Variants in RBMS1 observed in about 807,000 individuals in gnomAD.
The protein encoded by RBMS1 is RNA-binding motif, single-stranded-interacting protein 1.
Under a neutral mutation model 62.3 loss-of-function variants are expected in RBMS1, and 17 were observed. The ratio of observed to expected loss-of-function variants is 0.27; its 90% confidence interval spans 0.19 to 0.41. RBMS1 has a LOEUF of 0.41. Ranked by LOEUF, RBMS1 falls within the 10% of genes least tolerant of loss-of-function variation. The pLI is 1.00. For synonymous variants in RBMS1, 172 were observed against 170.0 expected, an observed-to-expected ratio of 1.01 and a Z score of -0.09; for missense variants, 334 against 504.5, an observed-to-expected ratio of 0.66 and a Z score of 3.24.
chr2:160,388,422 G>C (rs542704987), intron 1 of RBMS1, among the ~76,000 whole-genome samples: 1 of 152,214 alleles, frequency 6.6e-6, no homozygotes, highest in South Asian at 2.1e-4. Flanking sequence ...CAGGTGGTAC[G>C]GTGAGGGGTA....
chr2:160,375,520 T>C (rs1573957160), intron 1 of RBMS1, among the ~76,000 whole-genome samples: 2 of 152,198 alleles, frequency 1.3e-5, no homozygotes, highest in South Asian at 2.1e-4. Flanking sequence ...TTAAGATCTA[T>C]AGAGACTGTA....
intron 1 of RBMS1, among the ~76,000 whole-genome samples, chr2:160,373,022 T>G (rs925136292): frequency 6.6e-6 from 1 of 152,136 alleles, no homozygotes; most frequent in Non-Finnish European, 1.5e-5. Context: ...TAAAATCACA[T>G]AGCTAATTAG....
At chr2:160,430,655 C>T (rs1480955555) in intron 1 of RBMS1, among the ~76,000 whole-genome samples, 2 of 152,128 alleles carry the variant, frequency 1.3e-5, no homozygotes, top group East Asian at 1.9e-4. Flanking sequence ...TTCTATTAGT[C>T]CTACCAGTTC....
intron 2 of RBMS1, among the ~76,000 whole-genome samples, chr2:160,362,830 AC>A (rs1573934277): frequency 6.6e-6 from 1 of 151,910 alleles, no homozygotes; most frequent in Admixed American, 6.6e-5. Flanking sequence ...GTATGCCTGT[AC>A]CCCTTCCTCC....
intron 2 of RBMS1, among the ~76,000 whole-genome samples, chr2:160,336,024 C>A (rs1191077012): frequency 6.6e-6 from 1 of 152,128 alleles, no homozygotes; most frequent in Non-Finnish European, 1.5e-5. Context: ...TTACACTGAG[C>A]AGCTCATGTT....
chr2:160,493,071 G>T (rs1351752531), intron 1 of RBMS1: 4 of 517,422 alleles, frequency 7.7e-6, no homozygotes, highest in African/African-American at 4.1e-5. Flanking sequence ...CTCCCCCCGC[G>T]GCTTTCTGTA....
Position 160,286,948 on chromosome 2 carries a change from A to G in RBMS1, c.756+21T>C, listed in dbSNP as rs1389602999. ...ATCACACCCCCTCCCCCACCCCGCAAAGTTTCAAGAAAGGACTTACAAGTC... is the reference window on the plus strand; with the variant it reads ...ATCACACCCCCTCCCCCACCCCGCAGAGTTTCAAGAAAGGACTTACAAGTC... On this transcript the variant is annotated intron_variant, in intron 7 of 13. Transcript: ENST00000348849. 3.1e-6 allele frequency: 5 copies of G among 1,608,526 alleles called. No individual in the cohort carries two copies. In the South Asian group the frequency reaches 5.5e-5, roughly 18 times the overall value.
At chr2:160,279,749 A>G (rs951150793) in intron 10 of RBMS1, 2 of 152,156 alleles carry the variant, frequency 1.3e-5, no homozygotes, top group African/African-American at 4.8e-5. Flanking sequence ...TTATTTATTG[A>G]TAATTAGATA....
At chr2:160,373,500 T>A (rs1264922628) in intron 1 of RBMS1, among the ~76,000 whole-genome samples, 1 of 152,166 alleles carries the variant, frequency 6.6e-6, no homozygotes, top group African/African-American at 2.4e-5. Flanking sequence ...ATTGTTCTAT[T>A]TCCTTCAAAA....
At chr2:160,284,666 ATT>A (rs748300493) in intron 9 of RBMS1, 107 bp downstream of exon 9, 1 of 889,554 alleles carries the variant, frequency 1.1e-6, no homozygotes, top group South Asian at 1.4e-5. Flanking sequence ...GCTGCATAAT[ATT>A]TGACTCAAAT....
At chr2:160,403,321 C>T (rs1323640485) in intron 1 of RBMS1, among the ~76,000 whole-genome samples, 1 of 152,200 alleles carries the variant, frequency 6.6e-6, no homozygotes, top group Non-Finnish European at 1.5e-5. Context: ...TTCTTTAAAA[C>T]AACAACAAAT....
intron 1 of RBMS1, among the ~76,000 whole-genome samples, chr2:160,368,549 C>T (rs1260925818): frequency 2.6e-5 from 4 of 152,176 alleles, no homozygotes; most frequent in Non-Finnish European, 4.4e-5. Context: ...CCTCCGTTGC[C>T]CACTATAGAT....
chr2:160,350,674 C>T (rs1447548217), intron 2 of RBMS1, among the ~76,000 whole-genome samples: 2 of 152,108 alleles, frequency 1.3e-5, no homozygotes, highest in Non-Finnish European at 2.9e-5. Flanking sequence ...TTATCAGGAA[C>T]TCAGGTAGAG....
chr2:160,302,507 T>C (rs1322767394), intron 5 of RBMS1: 1 of 151,656 alleles, frequency 6.6e-6, no homozygotes, highest in Non-Finnish European at 1.5e-5. Flanking sequence ...TAGAAGATTT[T>C]ATTTATTTAT....
intron 1 of RBMS1, among the ~76,000 whole-genome samples, chr2:160,387,398 T>C (rs1694636891): frequency 2.0e-5 from 3 of 152,012 alleles, no homozygotes; most frequent in African/African-American, 7.2e-5. Flanking sequence ...AATCACTAAA[T>C]GTTTTTTCCT....
intron 1 of RBMS1, among the ~76,000 whole-genome samples, chr2:160,426,297 A>AGAAAAGAAAGAAGGAAG (rs1559537519): frequency 3.2e-4 from 18 of 56,156 alleles, no homozygotes; most frequent in Admixed American, 7.8e-4. Flanking sequence ...AAGAAAAGAA[A>AGAAAAGAAAGAAGGAAG]GAAGGAAGGA....
intron 1 of RBMS1, among the ~76,000 whole-genome samples, chr2:160,463,994 A>G (rs890805060): frequency 2.6e-5 from 4 of 152,230 alleles, no homozygotes; most frequent in Admixed American, 6.5e-5. Context: ...AAAAACACAC[A>G]TACACAAAAC....
At chr2:160,399,996 G>A (rs779655247) in intron 1 of RBMS1, among the ~76,000 whole-genome samples, 6 of 152,160 alleles carry the variant, frequency 3.9e-5, no homozygotes, top group African/African-American at 9.7e-5. Flanking sequence ...CAAGGTAAGA[G>A]TGCTTTCTTC....
intron 1 of RBMS1, among the ~76,000 whole-genome samples, chr2:160,445,947 A>G (rs555760160): frequency 9.2e-5 from 14 of 152,314 alleles, no homozygotes; most frequent in African/African-American, 3.1e-4. Context: ...ATATCACTGC[A>G]AGGCCCATCT....
Sources: gnomAD v4.1 joint callset for allele counts (sites outside exome capture counted in the v4.1 genomes callset) on GRCh38, gnomAD v4.1.1 for gene constraint, MANE v1.5 for transcripts, NCBI Gene and HGNC (gene_info 2026-07-23, HGNC 2026-07-21) for gene names.